The following COMMD10 variants were observed in gnomAD, a reference collection of about 807,000 sequenced individuals.
COMMD10 encodes the protein COMM domain containing 10.
COMMD10 carries 33 observed loss-of-function variants against 28.9 expected under a neutral mutation model. The ratio of observed to expected loss-of-function variants is 1.14; its 90% confidence interval spans 0.87 to 1.53. COMMD10 has a LOEUF of 1.53. Ranked by LOEUF, COMMD10 falls within the 40% of genes most tolerant of loss-of-function variation. COMMD10 has a pLI of 0.00. For synonymous variants in COMMD10, 110 were observed against 81.7 expected (o/e 1.35, Z -1.87); for missense variants, 310 against 233.4 (o/e 1.33, Z -2.14).
In COMMD10 at chr5:116,176,733, C is replaced by T. The variant is rs1301194172; in HGVS notation, c.510+42555C>T. ...TTAAAAAATTTCCTAGTTATTGATTCTCATGTTATTTCTTATGATTGTTGT... is the reference window on the plus strand; with the variant it reads ...TTAAAAAATTTCCTAGTTATTGATTTTCATGTTATTTCTTATGATTGTTGT... On this transcript the variant is annotated intron_variant, in intron 5 of 6. Transcript: ENST00000274458. 2.0e-5 allele frequency among the ~76,000 whole-genome samples: 3 copies of T among 151,960 alleles called. No individual in the cohort carries two copies. In the East Asian group the frequency reaches 5.8e-4, roughly 29 times the overall value.
At chr5:116,170,093 T>G (rs1426668701) in intron 5 of COMMD10, among the ~76,000 whole-genome samples, 1 of 152,106 alleles carries the variant, frequency 6.6e-6, no homozygotes, top group Non-Finnish European at 1.5e-5. Flanking sequence ...GAAACCACAT[T>G]GTCTCAGCCC....
chr5:116,130,170 A>T (rs1415610736), intron 4 of COMMD10, among the ~76,000 whole-genome samples: 1 of 151,834 alleles, frequency 6.6e-6, no homozygotes, highest in African/African-American at 2.4e-5. Context: ...AATTTATTTC[A>T]ATTCAATTCT....
chr5:116,207,136 T>C (rs1165687791), intron 5 of COMMD10, among the ~76,000 whole-genome samples: 2 of 152,234 alleles, frequency 1.3e-5, no homozygotes, highest in Non-Finnish European at 2.9e-5. Context: ...ATTACAATTA[T>C]TATATCACTA....
chr5:116,272,904 CAA>C (rs1456758364), intron 5 of COMMD10, among the ~76,000 whole-genome samples: 2 of 151,826 alleles, frequency 1.3e-5, no homozygotes, highest in African/African-American at 4.9e-5. Context: ...TTTTTCCTCT[CAA>C]ATGGATGTGG....
chr5:116,149,683 G>A (rs1460327581), intron 5 of COMMD10, among the ~76,000 whole-genome samples: 3 of 150,546 alleles, frequency 2.0e-5, no homozygotes, highest in South Asian at 2.1e-4. Flanking sequence ...CATGTCCTTT[G>A]CCCACTTTTT....
At chr5:116,277,773 C>T (rs914234228) in intron 5 of COMMD10, among the ~76,000 whole-genome samples, 9 of 151,850 alleles carry the variant, frequency 5.9e-5, no homozygotes, top group Admixed American at 4.6e-4. Flanking sequence ...TGAAGACTTA[C>T]GTGACAGCAC....
chr5:116,126,010 A>G (rs1454655953), intron 4 of COMMD10, among the ~76,000 whole-genome samples: 4 of 152,206 alleles, frequency 2.6e-5, no homozygotes, highest in Non-Finnish European at 5.9e-5. Flanking sequence ...AGATGAGATG[A>G]TTGTATATTT....
At chr5:116,242,219 G>GA (rs1156341610) in intron 5 of COMMD10, among the ~76,000 whole-genome samples, 1 of 151,544 alleles carries the variant, frequency 6.6e-6, no homozygotes, top group South Asian at 2.1e-4. Context: ...TAAGATTTAG[G>GA]AAAAAAAAGT....
At chr5:116,250,078 C>T (rs888101848) in intron 5 of COMMD10, among the ~76,000 whole-genome samples, 10 of 151,750 alleles carry the variant, frequency 6.6e-5, no homozygotes, top group African/African-American at 2.2e-4. Flanking sequence ...CATAGTTGAT[C>T]TTTTCTGTTC....
At chr5:116,148,606 C>T (rs769927450) in intron 5 of COMMD10, among the ~76,000 whole-genome samples, 7 of 151,220 alleles carry the variant, frequency 4.6e-5, no homozygotes, top group Non-Finnish European at 8.8e-5. Flanking sequence ...ATTTTCTAGC[C>T]GAAAGGGATC....
intron 5 of COMMD10, among the ~76,000 whole-genome samples, chr5:116,249,795 T>C (rs1580582211): frequency 6.6e-6 from 1 of 151,958 alleles, no homozygotes; most frequent in Non-Finnish European, 1.5e-5. Context: ...CTTCTTGTTA[T>C]ATTTGTGTTT....
chr5:116,131,231 T>G (rs1195724359), intron 4 of COMMD10, among the ~76,000 whole-genome samples: 2 of 151,986 alleles, frequency 1.3e-5, no homozygotes, highest in Non-Finnish European at 2.9e-5. Flanking sequence ...GTAACTTGCT[T>G]AAGGTCAATT....
intron 4 of COMMD10, among the ~76,000 whole-genome samples, chr5:116,099,859 A>G (rs1201383014): frequency 6.6e-6 from 1 of 152,108 alleles, no homozygotes; most frequent in South Asian, 2.1e-4. Flanking sequence ...CCTCTTATAC[A>G]TGGTTTACAA....
At chr5:116,186,354 C>A (rs1748138816) in intron 5 of COMMD10, among the ~76,000 whole-genome samples, 1 of 152,136 alleles carries the variant, frequency 6.6e-6, no homozygotes, top group Non-Finnish European at 1.5e-5. Context: ...AGTCTCATAT[C>A]CCTAACATTA....
chr5:116,085,973 A>G (rs1750077988), intron 1 of COMMD10, among the ~76,000 whole-genome samples: 1 of 152,244 alleles, frequency 6.6e-6, no homozygotes, highest in South Asian at 2.1e-4. Flanking sequence ...GCACAAAGAA[A>G]GCGAGGAAAG....
chr5:116,184,400 C>G (rs1748074039), intron 5 of COMMD10, among the ~76,000 whole-genome samples: 1 of 150,392 alleles, frequency 6.6e-6, no homozygotes, highest in East Asian at 1.9e-4. Context: ...TTCTCATGAT[C>G]CTATTATTTA....
chr5:116,129,786 A>G (rs1303783092), intron 4 of COMMD10, among the ~76,000 whole-genome samples: 1 of 140,846 alleles, frequency 7.1e-6, no homozygotes, highest in Non-Finnish European at 1.5e-5. Context: ...ATTAGTATAT[A>G]TATACTATAT....
chr5:116,227,896 T>A (rs1443147008), intron 5 of COMMD10, among the ~76,000 whole-genome samples: 1 of 152,094 alleles, frequency 6.6e-6, no homozygotes, highest in Non-Finnish European at 1.5e-5. Context: ...AAATCACTTA[T>A]CACACTGCAG....
At chr5:116,146,181 C>T (rs1021739055) in intron 5 of COMMD10, among the ~76,000 whole-genome samples, 4 of 151,800 alleles carry the variant, frequency 2.6e-5, no homozygotes, top group African/African-American at 7.3e-5. Flanking sequence ...CCTGCATCAC[C>T]TTGGAAACAA....
Sources: gnomAD v4.1 joint callset for allele counts (sites outside exome capture counted in the v4.1 genomes callset) on GRCh38, gnomAD v4.1.1 for gene constraint, MANE v1.5 for transcripts, NCBI Gene and HGNC (gene_info 2026-07-23, HGNC 2026-07-21) for gene names.